FARSB: variants seen among roughly 807,000 people sequenced by gnomAD.
FARSB encodes the protein phenylalanine--tRNA ligase beta subunit.
In FARSB, 40 loss-of-function variants were observed where a neutral mutation model predicts 69.6. The ratio of observed to expected loss-of-function variants is 0.57; its 90% CI spans 0.45 to 0.75. The LOEUF (loss-of-function observed/expected upper bound fraction) is 0.75. Ranked by LOEUF, FARSB falls within the 30% of genes least tolerant of loss-of-function variation. FARSB has a pLI of 0.00. For synonymous variants in FARSB, 235 were observed against 247.2 expected (o/e 0.95, Z 0.46); for missense variants, 632 against 722.9 (o/e 0.87, Z 1.44).
chr2:222,577,599 C>T (rs529958439), intron 16 of FARSB, among the ~76,000 whole-genome samples: 1 of 152,170 alleles, frequency 6.6e-6, no homozygotes, highest in Non-Finnish European at 1.5e-5. Flanking sequence ...TCCTGTAGGA[C>T]CTTATGCTTC....
chr2:222,595,932 A>C (rs1690402025), intron 16 of FARSB, among the ~76,000 whole-genome samples: 1 of 152,040 alleles, frequency 6.6e-6, no homozygotes, highest in Non-Finnish European at 1.5e-5. Flanking sequence ...ATATATATAT[A>C]TATATGCCAT....
At chr2:222,597,272 A>G (rs888675143) in intron 16 of FARSB, among the ~76,000 whole-genome samples, 3 of 152,220 alleles carry the variant, frequency 2.0e-5, no homozygotes, top group Non-Finnish European at 4.4e-5. Flanking sequence ...AAAAGATTAC[A>G]ATGTTCTACT....
At chr2:222,632,126 C>CA (rs35718473) in intron 7 of FARSB, among the ~76,000 whole-genome samples, 1 of 150,690 alleles carries the variant, frequency 6.6e-6, no homozygotes, top group Admixed American at 6.6e-5. Flanking sequence ...ATCTCTGTCT[C>CA]AAAAAAATAA....
At chr2:222,650,819 G>T (rs1324249974) in intron 1 of FARSB, among the ~76,000 whole-genome samples, 1 of 152,122 alleles carries the variant, frequency 6.6e-6, no homozygotes, top group Non-Finnish European at 1.5e-5. Flanking sequence ...CCCAAAGCCA[G>T]AACCACCTTC....
chr2:222,581,700 C>A (rs183988317), intron 16 of FARSB, among the ~76,000 whole-genome samples: 1 of 152,020 alleles, frequency 6.6e-6, no homozygotes, highest in Non-Finnish European at 1.5e-5. Context: ...ATGTATATCA[C>A]GAAGGGTTGA....
rs1248340697 is a variant in FARSB at position 222,567,325 on chromosome 2, G to C, written c.*4546C>G. ...ATCAGATGGGTCAAAGGCTTTCAAT[G>C]CTTAGGAGGCATATTCTGCTTAAGG... On this transcript the variant is annotated 3_prime_UTR_variant, in exon 17 of 17. Coordinates refer to ENST00000281828, the MANE Select transcript of FARSB (RefSeq NM_005687.5). 6.6e-6 allele frequency: 1 copy of C among 152,218 alleles called. No homozygotes were observed. The highest frequency in any genetic ancestry group is 2.4e-5 in the African/African-American group (1 of 41,448). 9.4% of individuals were successfully genotyped at this position (152,218 alleles called of 1,614,324 possible).
chr2:222,606,997 C>T (rs1287847012), intron 15 of FARSB, among the ~76,000 whole-genome samples: 2 of 152,176 alleles, frequency 1.3e-5, no homozygotes, highest in East Asian at 3.8e-4. Context: ...TAAAACAAAG[C>T]AACTTGATTC....
At chr2:222,588,939 G>A (rs1047282984) in intron 16 of FARSB, among the ~76,000 whole-genome samples, 1 of 152,124 alleles carries the variant, frequency 6.6e-6, no homozygotes, top group Non-Finnish European at 1.5e-5. Context: ...TACTGCCCAA[G>A]GTAATTTATA....
intron 1 of FARSB, among the ~76,000 whole-genome samples, chr2:222,655,304 TGATTAAAA>T (rs1030429219): frequency 1.4e-4 from 21 of 152,204 alleles, no homozygotes; most frequent in Non-Finnish European, 1.5e-4. Context: ...TTTTTAGAAC[TGATTAAAA>T]GATGAAATGT....
At chr2:222,591,094 T>C (rs1690261017) in intron 16 of FARSB, among the ~76,000 whole-genome samples, 1 of 151,714 alleles carries the variant, frequency 6.6e-6, no homozygotes, top group African/African-American at 2.4e-5. Context: ...TAGTCCTGGC[T>C]ACCTGGGGAG....
intron 14 of FARSB, among the ~76,000 whole-genome samples, chr2:222,614,922 A>G (rs1690956975): frequency 6.6e-6 from 1 of 152,238 alleles, no homozygotes; most frequent in Admixed American, 6.5e-5. Context: ...CAATTAAAAT[A>G]TCACAATGAG....
At chr2:222,583,054 T>C (rs1489358469) in intron 16 of FARSB, among the ~76,000 whole-genome samples, 1 of 149,088 alleles carries the variant, frequency 6.7e-6, no homozygotes, top group Non-Finnish European at 1.5e-5. Context: ...TAAGAGGGAG[T>C]TGAACAACAA....
At chr2:222,590,645 G>A (rs2106189456) in intron 16 of FARSB, among the ~76,000 whole-genome samples, 1 of 151,338 alleles carries the variant, frequency 6.6e-6, no homozygotes, top group East Asian at 2.0e-4. Flanking sequence ...TTTGTGTGAT[G>A]ATATTGCAGT....
At chr2:222,572,112 A>G in intron 16 of FARSB, 90 bp from the exon 17 acceptor site, 2 of 1,047,880 alleles carry the variant, frequency 1.9e-6, no homozygotes, top group Non-Finnish European at 2.8e-6. Flanking sequence ...AGTCTACTTT[A>G]AAAATAACTA....
intron 1 of FARSB, among the ~76,000 whole-genome samples, chr2:222,655,075 G>A (rs1309347673): frequency 6.6e-6 from 1 of 152,174 alleles, no homozygotes; most frequent in Non-Finnish European, 1.5e-5. Context: ...GCGGACGCCT[G>A]TAATCCCAGC....
chr2:222,618,013 A>T (rs951706257), intron 14 of FARSB, among the ~76,000 whole-genome samples: 39 of 152,242 alleles, frequency 2.6e-4, no homozygotes, highest in African/African-American at 9.2e-4. Flanking sequence ...ATTCTATGCA[A>T]ATGAATTTGA....
chr2:222,607,835 T>G (rs1206584770), intron 15 of FARSB, among the ~76,000 whole-genome samples: 1 of 152,056 alleles, frequency 6.6e-6, no homozygotes, highest in Non-Finnish European at 1.5e-5. Context: ...TTTAAAATAG[T>G]GCTGAAAAGC....
At chr2:222,652,511 T>C (rs1692064042) in intron 1 of FARSB, among the ~76,000 whole-genome samples, 1 of 152,208 alleles carries the variant, frequency 6.6e-6, no homozygotes, top group Non-Finnish European at 1.5e-5. Context: ...GGCACTCTCT[T>C]ACTTACCTAC....
intron 16 of FARSB, among the ~76,000 whole-genome samples, chr2:222,594,199 T>A (rs1690352936): frequency 6.6e-6 from 1 of 150,536 alleles, no homozygotes; most frequent in Non-Finnish European, 1.5e-5. Flanking sequence ...GCCATGATCA[T>A]GCCACTACAC....
Sources: gnomAD v4.1 joint callset for allele counts (sites outside exome capture counted in the v4.1 genomes callset) on GRCh38, gnomAD v4.1.1 for gene constraint, MANE v1.5 for transcripts, NCBI Gene and HGNC (gene_info 2026-07-23, HGNC 2026-07-21) for gene names.